WNK2: variants seen among roughly 807,000 people sequenced by gnomAD.
WNK2 encodes serine/threonine-protein kinase WNK2.
WNK2 carries 67 observed loss-of-function variants against 192.1 expected under a neutral mutation model. The observed-to-expected ratio is 0.35, with a 90% CI of 0.29 to 0.43. The LOEUF is 0.43. WNK2 is among the 20% of genes least tolerant of loss of function. The probability of loss-of-function intolerance (pLI) is 1.00; values close to 1 mark genes in which losing one functional copy is unlikely to be tolerated. For synonymous variants in WNK2, 1,439 were observed against 1,393.9 expected, an observed-to-expected ratio of 1.03 and a Z score of -0.72; for missense variants, 2,698 against 3,089.7, an observed-to-expected ratio of 0.87 and a Z score of 3.01.
chr9:93,241,544 C>T (rs10821095), intron 7 of WNK2, among the ~76,000 whole-genome samples: 59,695 of 152,062 alleles, frequency 0.39, 13,536 homozygotes, highest in Admixed American at 0.51. Context: ...TTCTCCAGGC[C>T]GGGCTGGGTC....
chr9:93,222,774 C>G (rs1159863484), intron 2 of WNK2, among the ~76,000 whole-genome samples: 2 of 150,532 alleles, frequency 1.3e-5, no homozygotes, highest in African/African-American at 2.5e-5. Flanking sequence ...CCTCCACCTC[C>G]CGGGTTCAAG....
At chr9:93,253,190 G>A (rs1242458705) in intron 9 of WNK2, 108 bp downstream of exon 9, 1 of 1,014,082 alleles carries the variant, frequency 9.9e-7, no homozygotes, top group East Asian at 3.2e-5. Context: ...ACTGCATTGT[G>A]GTCAGCATTA....
chr9:93,300,342 A>C (rs887268560), intron 26 of WNK2, 193 bp downstream of exon 26: 126 of 471,622 alleles, frequency 2.7e-4, no homozygotes, highest in East Asian at 8.5e-4. Context: ...GCCTACCCCC[A>C]AGCCCCACAC....
In WNK2 at chr9:93,259,445, C is replaced by A; in HGVS notation, c.2897C>A (p.Pro966His). The change falls in exon 12 of 30, where the codon CCT becomes CAT. Residue 966 changes from proline (P) to histidine (H), a missense_variant. Around this residue, in one of 7 missense-constraint regions of WNK2, gnomAD observed 893 missense variants for 909.0 expected, o/e 0.98. Coordinates refer to ENST00000427277, the MANE Select transcript of WNK2 (RefSeq NM_006648.4). This position sits in a 1 kb window ranked among gnomAD's most constrained non-coding sequence, Gnocchi z 4.8. Reference protein sequence around the residue: ...LPPQPTLPPQPVLPPQPTRPP... With the variant: ...LPPQPTLPPQHVLPPQPTRPP... ...CCGCAACCCACGCTGCCCCCTCAAC[C>A]TGTGTTGCCCCCGCAACCCACACGG... 6.6e-7 allele frequency: 1 copy of A among 1,521,560 alleles called. No individual in the cohort carries two copies. The highest frequency in any genetic ancestry group is 8.8e-7 in the Non-Finnish European group (1 of 1,130,162). 94.3% of individuals were successfully genotyped at this position (1,521,560 alleles called of 1,614,324 possible).
Position 93,299,107 on chromosome 9 carries a change from G to C in WNK2, c.5961G>C (p.Lys1987Asn), listed in dbSNP as rs930553706. 14 of 1,611,550 alleles carry C rather than the reference G, an allele frequency of 8.7e-6. No homozygotes were observed. Among genetic ancestry groups the C allele is most frequent in the Non-Finnish European group, 1.2e-5 (14 of 1,179,650 alleles). Residue 1987 changes from lysine (K) to asparagine (N), a missense_variant, in exon 25 of 30, where the codon AAG becomes AAC. This residue lies in a region of WNK2 where 1,098 missense variants were observed against 1,101.0 expected (regional missense o/e 1.00). Transcript: ENST00000427277. ...ACTCCAGCAGAGGCCCTCCCGCTAAGGACCCTGCCCAAGCCAGTGTGGGGC... is the reference window on the plus strand; with the variant it reads ...ACTCCAGCAGAGGCCCTCCCGCTAACGACCCTGCCCAAGCCAGTGTGGGGC... Reference protein sequence around the residue: ...LADSSRGPPAKDPAQASVGLT... With the variant: ...LADSSRGPPANDPAQASVGLT...
intron 21 of WNK2, among the ~76,000 whole-genome samples, chr9:93,291,871 T>G (rs1429778850): frequency 6.6e-6 from 1 of 152,194 alleles, no homozygotes; most frequent in African/African-American, 2.4e-5. Flanking sequence ...CCGGAATAGC[T>G]GCAGGTGCAG....
intron 2 of WNK2, among the ~76,000 whole-genome samples, chr9:93,214,701 C>A (rs1587945329): frequency 1.7e-5 from 1 of 57,578 alleles, no homozygotes; most frequent in Non-Finnish European, 3.2e-5. Context: ...GGTAGTGCCC[C>A]CCCCCCCCCC....
intron 7 of WNK2, among the ~76,000 whole-genome samples, chr9:93,245,504 G>T (rs191245662): frequency 6.6e-6 from 1 of 152,292 alleles, no homozygotes; most frequent in Non-Finnish European, 1.5e-5. Flanking sequence ...GTTTGCATGT[G>T]TTTCCCCGGG....
chr9:93,286,672 G>T (rs1226262830), intron 19 of WNK2, among the ~76,000 whole-genome samples: 2 of 152,174 alleles, frequency 1.3e-5, no homozygotes, highest in East Asian at 3.8e-4. Context: ...ATATATTCAA[G>T]ATAATTGAAA....
chr9:93,303,496 C>T (rs1280790007), intron 26 of WNK2, among the ~76,000 whole-genome samples: 1 of 152,172 alleles, frequency 6.6e-6, no homozygotes, highest in African/African-American at 2.4e-5. Context: ...TAGGCCTTCT[C>T]CCACCGTGGA....
At chr9:93,298,106 TG>T in intron 24 of WNK2, 39 bp downstream of exon 24, 1 of 1,542,896 alleles carries the variant, frequency 6.5e-7, no homozygotes, top group Non-Finnish European at 8.7e-7. Context: ...GGAGCGGGGC[TG>T]GGGACCCCCG....
At chr9:93,219,343 C>T (rs939915280) in intron 2 of WNK2, among the ~76,000 whole-genome samples, 3 of 152,252 alleles carry the variant, frequency 2.0e-5, no homozygotes, top group African/African-American at 4.8e-5. Flanking sequence ...GGCTTGAGTC[C>T]CTCCTGCTCC....
At chr9:93,248,157 G>C (rs186791078) in intron 8 of WNK2, among the ~76,000 whole-genome samples, 1 of 152,268 alleles carries the variant, frequency 6.6e-6, no homozygotes, top group Non-Finnish European at 1.5e-5. Flanking sequence ...GGGTGGTGGG[G>C]CCAGCAGACC....
At chr9:93,277,979 G>A (rs1314734094) in intron 19 of WNK2, among the ~76,000 whole-genome samples, 1 of 151,808 alleles carries the variant, frequency 6.6e-6, no homozygotes, top group African/African-American at 2.4e-5. Context: ...AGGCCAAGAT[G>A]GAATAATAGT....
intron 2 of WNK2, among the ~76,000 whole-genome samples, chr9:93,227,117 CTT>C (rs34529839): frequency 2.4e-4 from 33 of 137,564 alleles, no homozygotes; most frequent in Admixed American, 2.9e-4. Context: ...AAGTATCCAC[CTT>C]TTTTTTTTTT....
chr9:93,221,691 T>C lies in WNK2; in HGVS notation c.682-8005T>C, dbSNP rs544949652. Among the ~76,000 whole-genome samples the C allele has an allele frequency of 3.9e-5, 6 of 152,236 alleles. No homozygotes were observed. In the East Asian group the frequency reaches 7.7e-4, roughly 20 times the overall value. Reference sequence around the variant, plus strand: ...GAAGAAAATCCTTTGGTCCTTAGAGTCTTACGTTCGCAGGAAACTAAGGAA... The same window carrying C: ...GAAGAAAATCCTTTGGTCCTTAGAGCCTTACGTTCGCAGGAAACTAAGGAA... On this transcript the variant is annotated intron_variant, in intron 2 of 29. Transcript: ENST00000427277.
intron 26 of WNK2, among the ~76,000 whole-genome samples, chr9:93,301,699 C>G (rs968726637): frequency 6.6e-6 from 1 of 152,224 alleles, no homozygotes; most frequent in Non-Finnish European, 1.5e-5. Context: ...TCTTCCGGCT[C>G]CTGCATGTGC....
At chr9:93,232,636 G>T (rs1285207806) in intron 4 of WNK2, among the ~76,000 whole-genome samples, 1 of 152,222 alleles carries the variant, frequency 6.6e-6, no homozygotes, top group Non-Finnish European at 1.5e-5. Context: ...CCCCGGCAGA[G>T]CCCCTCGTCT....
At chr9:93,194,350 T>C (rs4744189) in intron 2 of WNK2, among the ~76,000 whole-genome samples, 119,959 of 152,152 alleles carry the variant, frequency 0.79, 47,754 homozygotes, top group Non-Finnish European at 0.84. Flanking sequence ...TTACAGAGAA[T>C]TCTTAAAACT....
Sources: gnomAD v4.1 joint callset for allele counts (sites outside exome capture counted in the v4.1 genomes callset) on GRCh38, gnomAD v4.1.1 for gene constraint, gnomAD v4.1.1 regional missense constraint, Gnocchi (gnomAD v3.1) non-coding constraint, MANE v1.5 for transcripts, NCBI Gene and HGNC (gene_info 2026-07-23, HGNC 2026-07-21) for gene names.